The following NPHS1 variants were observed in gnomAD, a reference collection of about 807,000 sequenced individuals.
The protein encoded by NPHS1 is NPHS1 adhesion molecule, nephrin.
Under a neutral mutation model 139.7 loss-of-function variants are expected in NPHS1, and 107 were observed. The ratio of observed to expected loss-of-function variants is 0.77; its 90% confidence interval spans 0.66 to 0.90. The LOEUF is 0.90. Ranked by LOEUF, NPHS1 falls within the 40% of genes least tolerant of loss-of-function variation. NPHS1 has a pLI of 0.00. For synonymous variants in NPHS1, 707 were observed against 706.6 expected (o/e 1.00, Z -0.01); for missense variants, 1,580 against 1,654.2 (o/e 0.96, Z 0.78).
In NPHS1 at chr19:35,842,405, C is replaced by T. The variant is rs748527540; in HGVS notation, c.2480G>A (p.Arg827Gln). 2.2e-5 allele frequency: 36 copies of T among 1,613,994 alleles called. No individual in the cohort carries two copies. The highest frequency in any genetic ancestry group is 6.7e-5 in the East Asian group (3 of 44,900). The change falls in exon 18 of 29, where the codon CGA (arginine) becomes CAA (glutamine). Residue 827 changes from arginine (R) to glutamine (Q), a missense_variant. Arg to Gln is a conservative substitution (Grantham distance 43). Coordinates refer to ENST00000378910, the MANE Select transcript of NPHS1 (RefSeq NM_004646.4). ...TCTGACAACAAGACGGAGCAGCCGT[C>T]GTGCTGGAGGCGCCACCCCATTGTC... ...IVDNGVAPPA[R>Q]RLLRLVVRFA...
rs368928528 is a variant in NPHS1, at chr19:35,850,021, T to C, written c.608+343A>G. On this transcript the variant is annotated intron_variant, in intron 5 of 28. Transcript: ENST00000378910. ...ACCTCCACTTCTTGGGTTCAAGTGA[T>C]TCTCCTGCCTCAGCCCCCTGAGGAG... Among the ~76,000 whole-genome samples, 8 of 152,342 alleles carry C rather than the reference T, an allele frequency of 5.3e-5. No individual in the cohort carries two copies. The East Asian group carries it at 1.3e-3, about 26-fold the overall frequency.
At position 35,842,108 on chromosome 19, in the gene NPHS1, C is replaced by A; in HGVS notation, c.2663+16G>T. ...GACCTGGGGCTGGAGTGCTGCCTGG[C>A]TGGGCTTGGGCTCACCTGGGATCTT... On this transcript the variant is annotated intron_variant, in intron 19 of 28. Transcript: ENST00000378910. 6.3e-7 allele frequency: 1 copy of A among 1,598,728 alleles called. No individual in the cohort carries two copies. The highest frequency in any genetic ancestry group is 8.5e-7 in the Non-Finnish European group (1 of 1,173,686).
intron 28 of NPHS1, among the ~76,000 whole-genome samples, chr19:35,830,013 T>G (rs1196334979): frequency 6.6e-6 from 1 of 152,198 alleles, no homozygotes; most frequent in Admixed American, 6.6e-5. Flanking sequence ...CTGGGCCTGA[T>G]GACAATTGTA....
intron 23 of NPHS1, 98 bp downstream of exon 23, chr19:35,835,607 G>T: frequency 8.9e-7 from 1 of 1,125,214 alleles, no homozygotes; most frequent in Non-Finnish European, 1.4e-6. Context: ...GAACTAAGTC[G>T]TTAAGCAGCT....
chr19:35,846,355 A>T (rs918503307), intron 11 of NPHS1, among the ~76,000 whole-genome samples, 161 bp from the exon 12 acceptor site: 1 of 152,184 alleles, frequency 6.6e-6, no homozygotes, highest in Non-Finnish European at 1.5e-5. Context: ...AGGGCAAAGC[A>T]GTGGGGAGTG....
chr19:35,843,006 C>T (rs778223402), intron 17 of NPHS1, among the ~76,000 whole-genome samples: 5 of 152,066 alleles, frequency 3.3e-5, no homozygotes, highest in Admixed American at 1.3e-4. Flanking sequence ...TACCCAGCTA[C>T]CTATTTATTC....
At position 35,835,827 on chromosome 19, in the gene NPHS1, C is replaced by G. The variant is rs374351783; in HGVS notation, c.3110-66G>C. 4 of 1,416,402 alleles carry G rather than the reference C, an allele frequency of 2.8e-6. No homozygotes were observed. The South Asian group carries it at 4.6e-5, about 16-fold the overall frequency. The allele number at this position is 1,416,402 out of a possible 1,614,324, so 87.7% of individuals were successfully genotyped here. A position where few individuals can be genotyped will look rare whatever the true frequency, so the allele number is the denominator to read the frequency against. On this transcript the variant is annotated intron_variant, in intron 22 of 28. Transcript: ENST00000378910. ...TCTGAGATAAGCTTTAAATATTTCT[C>G]AGCCTCTTCTTAAGCCTATTAGATT...
rs1972793669 is a variant in NPHS1, at chr19:35,825,777, A to G, written c.*737T>C. ...AGATAACTGTCGGAAATAATAAAAT[A>G]ATAGGTAGGATGCAACATGGATTCA... On this transcript the variant is annotated 3_prime_UTR_variant, in exon 29 of 29. Transcript: ENST00000378910. 6.6e-6 allele frequency among the ~76,000 whole-genome samples: 1 copy of G among 152,208 alleles called. No homozygotes were observed. Among genetic ancestry groups the G allele is most frequent in the Admixed American group, 6.5e-5 (1 of 15,276 alleles).
rs151213410 is a variant in NPHS1 at position 35,848,998 on chromosome 19, G to A, written c.990C>T (p.His330=). 2.3e-5 allele frequency: 37 copies of A among 1,611,990 alleles called. No individual in the cohort carries two copies. The highest frequency in any genetic ancestry group is 1.1e-4 in the East Asian group (5 of 44,888). ...HNSVSAGTQE[H]GITLQVTFPP... The stretch of plus-strand genomic sequence containing the variant: ...CACAGGTGACCTGCAGTGTGATGCC[G>A]TGCTCCTGGGTCCCTGCAGACACGC... Residue 330 remains histidine, a synonymous_variant, in exon 8 of 29, where the codon CAC becomes CAT. Transcript: ENST00000378910.
In NPHS1 at chr19:35,845,832, G is replaced by A. The variant is rs1973132050; in HGVS notation, c.1628-34C>T. 6.2e-7 allele frequency: 1 copy of A among 1,602,374 alleles called. No individual in the cohort carries two copies. The highest frequency in any genetic ancestry group is 1.3e-5 in the African/African-American group (1 of 74,838). ...CGGGGTTGGAGGAGCGAGACTCAGAGGTTAGGGGCGGCCTGGTCTGCGTCC... is the reference window on the plus strand; with the variant it reads ...CGGGGTTGGAGGAGCGAGACTCAGAAGTTAGGGGCGGCCTGGTCTGCGTCC... On this transcript the variant is annotated intron_variant, in intron 12 of 28. Coordinates refer to ENST00000378910, the MANE Select transcript of NPHS1 (RefSeq NM_004646.4). This position sits in a 1 kb window ranked among gnomAD's most constrained non-coding sequence, Gnocchi z 5.5.
chr19:35,829,299 G>A (rs1431944460), intron 28 of NPHS1, among the ~76,000 whole-genome samples: 1 of 152,204 alleles, frequency 6.6e-6, no homozygotes, highest in Non-Finnish European at 1.5e-5. Flanking sequence ...TGGGCATTTG[G>A]GGCCACTGGA....
At chr19:35,843,987 G>T in intron 16 of NPHS1, 116 bp downstream of exon 16, 1 of 1,421,062 alleles carries the variant, frequency 7.0e-7, no homozygotes, top group Non-Finnish European at 9.6e-7. Context: ...TTCCAGAACG[G>T]GAGGGTTCCA....
In NPHS1 at chr19:35,852,498, C is replaced by A. The variant is rs1464434940; in HGVS notation, c.-661G>T. Among the ~76,000 whole-genome samples the A allele has an allele frequency of 2.0e-5, 3 of 152,154 alleles. No homozygotes were observed. Among genetic ancestry groups the A allele is most frequent in the Non-Finnish European group, 4.4e-5 (3 of 68,022 alleles). On this transcript the variant is annotated 5_prime_UTR_variant, in exon 1 of 29. An upstream start codon of the reference 5' UTR is lost. Coordinates refer to ENST00000378910, the MANE Select transcript of NPHS1 (RefSeq NM_004646.4). ...CCTGCTCTCTGACCCAGCTTGAGCT[C>A]ATTCTCACAGTGCAACCTCCCCCAG...
intron 28 of NPHS1, among the ~76,000 whole-genome samples, chr19:35,828,929 C>G (rs191247496): frequency 4.6e-5 from 7 of 151,494 alleles, no homozygotes; most frequent in Admixed American, 4.0e-4. Flanking sequence ...TATCGGAGGT[C>G]GTTCACAGAG....
At chr19:35,831,996 G>A (rs1173754366) in intron 23 of NPHS1, among the ~76,000 whole-genome samples, 2 of 152,166 alleles carry the variant, frequency 1.3e-5, no homozygotes, top group South Asian at 2.1e-4. Flanking sequence ...AACTCAGAAC[G>A]GAACTCTGGA....
intron 22 of NPHS1, 126 bp downstream of exon 22, chr19:35,839,111 G>A: frequency 1.1e-6 from 1 of 892,078 alleles, no homozygotes. Flanking sequence ...GTGTGACCTT[G>A]GACAATTTGC....
In NPHS1 at chr19:35,842,541, C is replaced by T. The variant is rs549487912; in HGVS notation, c.2344G>A (p.Glu782Lys). 17 of 1,614,094 alleles carry T rather than the reference C, an allele frequency of 1.1e-5. No homozygotes were observed. The Admixed American group carries it at 2.7e-4, about 25-fold the overall frequency. The change falls in exon 18 of 29, where the codon GAG becomes AAG. Residue 782 changes from glutamate to lysine, a missense_variant. Physicochemically the swap from Glu to Lys is moderately conservative, Grantham distance 56 (BLOSUM62 1). Transcript: ENST00000378910. ...MFNWERLGED[E>K]EDQSLDDMEK... is the part of the protein sequence containing the mutation. ...ATGTCATCCAGGCTCTGGTCCTCCTCATCTTCTCCCTGGAGGCCCAAGAGT... is the reference window on the plus strand; with the variant it reads ...ATGTCATCCAGGCTCTGGTCCTCCTTATCTTCTCCCTGGAGGCCCAAGAGT...
At position 35,850,964 on chromosome 19, in the gene NPHS1, G is replaced by A. The variant is rs2146830991; in HGVS notation, c.523C>T (p.Leu175=). 6.2e-7 allele frequency: 1 copy of A among 1,614,030 alleles called. No homozygotes were observed. The highest frequency in any genetic ancestry group is 8.5e-7 in the Non-Finnish European group (1 of 1,180,018). ...CACCCAGTTCACCCACACTCACTCA[G>A]GAGAATGGTGATGTCAGGTGCTGGC... ...AKPAPDITIL[L]SGQTISDISA... is the part of the protein sequence containing the mutation. Residue 175 remains leucine (L), a synonymous_variant, in exon 4 of 29, where the codon CTG becomes TTG. Transcript: ENST00000378910.
rs1973127637 is a variant in NPHS1 at position 35,845,602 on chromosome 19, G to T, written c.1758-62C>A. 1.9e-6 allele frequency: 3 copies of T among 1,605,568 alleles called. No homozygotes were observed. Among genetic ancestry groups the T allele is most frequent in the African/African-American group, 1.3e-5 (1 of 74,828 alleles). ...GCCAGAGGCTGGAGAGGCACTAGGC[G>T]GGGGCGGGACATGCGTGGAGGGGGC... On this transcript the variant is annotated intron_variant, in intron 13 of 28. Coordinates refer to ENST00000378910, the MANE Select transcript of NPHS1 (RefSeq NM_004646.4). This position sits in a 1 kb window ranked among gnomAD's most constrained non-coding sequence, Gnocchi z 5.5.
Sources: gnomAD v4.1 joint callset for allele counts (sites outside exome capture counted in the v4.1 genomes callset) on GRCh38, gnomAD v4.1.1 for gene constraint, Gnocchi (gnomAD v3.1) non-coding constraint, MANE v1.5 for transcripts, NCBI Gene and HGNC (gene_info 2026-07-23, HGNC 2026-07-21) for gene names.